The following CASKIN1 variants were observed in gnomAD, a reference collection of about 807,000 sequenced individuals.
The protein encoded by CASKIN1 is caskin-1.
CASKIN1 carries 42 observed loss-of-function variants against 117.5 expected under a neutral mutation model. That is an observed-to-expected ratio of 0.36 (90% confidence interval 0.28 to 0.46). The LOEUF is 0.46. Among genes scored for constraint, CASKIN1 ranks in the 20% least tolerant of loss-of-function variants. The pLI, the probability that CASKIN1 is intolerant of heterozygous loss-of-function variation, is 1.00. For missense variants in CASKIN1, 2,083 were observed against 2,077.3 expected (o/e 1.00, Z -0.05); for synonymous variants, 1,148 against 961.7 (o/e 1.19, Z -3.59).
At position 2,195,329 on chromosome 16, in the gene CASKIN1, G is replaced by A. The variant is rs189878395; in HGVS notation, c.94+1010C>T. On this transcript the variant is annotated intron_variant, in intron 1 of 19. Coordinates refer to ENST00000343516, the MANE Select transcript of CASKIN1 (RefSeq NM_020764.4). ...CCCAGTTCTCGGCATCCCCCTGGAG[G>A]AAGGGGAGGGGGACTCTCTGGCTTA... 7.7e-4 allele frequency among the ~76,000 whole-genome samples: 117 copies of A among 152,306 alleles called. No individual in the cohort carries two copies. In the East Asian group the frequency reaches 0.019, roughly 25 times the overall value.
At chr16:2,186,590 C>A in intron 10 of CASKIN1, 117 bp downstream of exon 10, 1 of 816,242 alleles carries the variant, frequency 1.2e-6, no homozygotes, top group East Asian at 2.5e-5. Context: ...CACTCAACCC[C>A]ACGCTGGCAC....
Position 2,183,872 on chromosome 16 carries a change from C to T in CASKIN1, c.1486G>A (p.Ala496Thr), listed in dbSNP as rs1356257380. The T allele has an allele frequency of 5.0e-6, 8 of 1,612,572 alleles. No homozygotes were observed. The highest frequency in any genetic ancestry group is 4.4e-5 in the South Asian group (4 of 91,058). Reference protein sequence around the residue: ...LQLYAPNFISAGYDLPTISRM... With the variant: ...LQLYAPNFISTGYDLPTISRM... ...CTGATGGTGGGCAGGTCGTAGCCGG[C>T]GCTGATGAAGTTGGGGGCGTAGAGC... Residue 496 changes from alanine (A) to threonine (T), a missense_variant, in exon 15 of 20, where the codon GCC becomes ACC. Around this residue, in one of 3 missense-constraint regions of CASKIN1, gnomAD observed 1,818 missense variants for 1,688.9 expected, o/e 1.08. Coordinates refer to ENST00000343516, the MANE Select transcript of CASKIN1 (RefSeq NM_020764.4).
rs746974326 is a variant in CASKIN1, at chr16:2,178,106, T to C, written c.*444A>G. The C allele has an allele frequency of 5.9e-6, 3 of 506,702 alleles. No homozygotes were observed. The highest frequency in any genetic ancestry group is 1.6e-5 in the South Asian group (1 of 63,194). 31.4% of individuals were successfully genotyped at this position (506,702 alleles called of 1,614,324 possible). ...GAAATCCGCCTCAGCTCATTCCCAATAAATTAATACTCTTGATAGCTTATA... is the reference window on the plus strand; with the variant it reads ...GAAATCCGCCTCAGCTCATTCCCAACAAATTAATACTCTTGATAGCTTATA... On this transcript the variant is annotated 3_prime_UTR_variant, in exon 20 of 20. Transcript: ENST00000343516.
At chr16:2,188,840 C>T in intron 6 of CASKIN1, 187 bp downstream of exon 6, 1 of 795,432 alleles carries the variant, frequency 1.3e-6, no homozygotes, top group Non-Finnish European at 1.9e-6. Context: ...CGCAGAAGCC[C>T]CCTTCCCAGC....
rs180955493 is a variant in CASKIN1 at position 2,184,597 on chromosome 16, G to A, written c.1416+180C>T. Among the ~76,000 whole-genome samples the A allele has an allele frequency of 4.4e-4, 67 of 152,230 alleles. 1 individual carries two copies. The East Asian group carries it at 5.8e-3, about 13-fold the overall frequency. ...CACAGCCTGCACAATGACGACACCCGTACACACAGGCAGACACACACACAA... is the reference window on the plus strand; with the variant it reads ...CACAGCCTGCACAATGACGACACCCATACACACAGGCAGACACACACACAA... On this transcript the variant is annotated intron_variant, in intron 14 of 19. Transcript: ENST00000343516.
At position 2,181,307 on chromosome 16, in the gene CASKIN1, C is replaced by G; in HGVS notation, c.2061G>C (p.Arg687Ser). 1 of 1,603,932 alleles carries G rather than the reference C, an allele frequency of 6.2e-7. No homozygotes were observed. The highest frequency in any genetic ancestry group is 8.5e-7 in the Non-Finnish European group (1 of 1,178,664). Residue 687 changes from arginine (R) to serine (S), a missense_variant, in exon 18 of 20, where the codon AGG becomes AGC. Coordinates refer to ENST00000343516, the MANE Select transcript of CASKIN1 (RefSeq NM_020764.4). ...KPSSHLPPTP[R>S]ATTRQDSSLG... ...GGCTGGAGTCCTGCCGCGTGGTGGC[C>G]CTCGGGGTGGGTGGCAGGTGGCTGG...
At chr16:2,183,981 G>T in intron 14 of CASKIN1, 40 bp from the exon 15 acceptor site, 1 of 1,392,036 alleles carries the variant, frequency 7.2e-7, no homozygotes, top group Non-Finnish European at 9.7e-7. Context: ...TCGCCTGCCC[G>T]GCCGCGCCCT....
At chr16:2,189,649 G>A in intron 3 of CASKIN1, 85 bp from the exon 4 acceptor site, 2 of 1,415,742 alleles carry the variant, frequency 1.4e-6, no homozygotes. Context: ...CCTGACCCCT[G>A]ACCCCAAGTC....
intron 3 of CASKIN1, among the ~76,000 whole-genome samples, chr16:2,189,795 T>G (rs1218416029): frequency 1.4e-5 from 2 of 147,946 alleles, no homozygotes; most frequent in Non-Finnish European, 3.0e-5. Flanking sequence ...TGCTGGGAGC[T>G]GACCCTTGAC....
At chr16:2,190,666 GGCACACACATGT>G (rs2093199095) in intron 1 of CASKIN1, among the ~76,000 whole-genome samples, 1 of 152,182 alleles carries the variant, frequency 6.6e-6, no homozygotes, top group South Asian at 2.1e-4. Context: ...CACCCACACA[GGCACACACATGT>G]GCACGCACAC....
Position 2,180,973 on chromosome 16 carries a change from G to T in CASKIN1, c.2395C>A (p.Pro799Thr). 6.8e-7 allele frequency: 1 copy of T among 1,474,022 alleles called. No homozygotes were observed. Among genetic ancestry groups the T allele is most frequent in the South Asian group, 1.4e-5 (1 of 69,858 alleles). 91.3% of individuals were successfully genotyped at this position (1,474,022 alleles called of 1,614,324 possible). A position where few individuals can be genotyped will look rare whatever the true frequency, so the allele number is the denominator to read the frequency against. Residue 799 changes from proline (P) to threonine (T), a missense_variant, in exon 18 of 20, where the codon CCA becomes ACA. Physicochemically the swap from Pro to Thr is conservative, Grantham distance 38. Coordinates refer to ENST00000343516, the MANE Select transcript of CASKIN1 (RefSeq NM_020764.4). ...QALGGPHGPA[P>T]ATAKVKPTPQ... Reference sequence around the variant, plus strand: ...GTGGGCTTCACCTTGGCCGTAGCTGGGGCTGGACCATGAGGTCCCCCAAGG... The same window carrying T: ...GTGGGCTTCACCTTGGCCGTAGCTGTGGCTGGACCATGAGGTCCCCCAAGG...
In CASKIN1 at chr16:2,187,841, G is replaced by A. The variant is rs537777354; in HGVS notation, c.618-380C>T. ...TCACCATTTTGGCCAAGCTGGACAC[G>A]AACTCCTCCCAAAGTGCTGGGAGTA... On this transcript the variant is annotated intron_variant, in intron 6 of 19. Transcript: ENST00000343516. 8.6e-5 allele frequency among the ~76,000 whole-genome samples: 13 copies of A among 151,970 alleles called. No individual in the cohort carries two copies. The East Asian group carries it at 2.1e-3, about 25-fold the overall frequency.
chr16:2,186,406 G>A (rs546115390), intron 10 of CASKIN1, among the ~76,000 whole-genome samples: 6 of 152,274 alleles, frequency 3.9e-5, no homozygotes, highest in African/African-American at 7.2e-5. Flanking sequence ...TGTTTACTTC[G>A]CTGTCCCCTG....
rs2093214873 is a variant in CASKIN1 at position 2,196,026 on chromosome 16, T to C, written c.94+313A>G. 6.6e-6 allele frequency among the ~76,000 whole-genome samples: 1 copy of C among 151,376 alleles called. No individual in the cohort carries two copies. The highest frequency in any genetic ancestry group is 2.4e-5 in the African/African-American group (1 of 41,126). On this transcript the variant is annotated intron_variant, in intron 1 of 19. Coordinates refer to ENST00000343516, the MANE Select transcript of CASKIN1 (RefSeq NM_020764.4). This position sits in a 1 kb window ranked among gnomAD's most constrained non-coding sequence, Gnocchi z 5.7. ...AGGCCCCAGCAGAGACCTCCAGCTG[T>C]CAGCCCGCAGCCTGGGAAGGGAGGG... is the stretch of plus-strand genomic sequence containing the variant.
chr16:2,180,969 G>C lies in CASKIN1; in HGVS notation c.2399C>G (p.Ala800Gly). 1.4e-6 allele frequency: 2 copies of C among 1,468,420 alleles called. No homozygotes were observed. 91.0% of individuals were successfully genotyped at this position (1,468,420 alleles called of 1,614,324 possible). Residue 800 changes from alanine (A) to glycine (G), a missense_variant, in exon 18 of 20, where the codon GCT (alanine) becomes GGT (glycine). Transcript: ENST00000343516. Reference sequence around the variant, plus strand: ...CGGGGTGGGCTTCACCTTGGCCGTAGCTGGGGCTGGACCATGAGGTCCCCC... The same window carrying C: ...CGGGGTGGGCTTCACCTTGGCCGTACCTGGGGCTGGACCATGAGGTCCCCC... ...ALGGPHGPAP[A>G]TAKVKPTPQL...
chr16:2,179,429 T>A lies in CASKIN1; in HGVS notation c.3776-104A>T. ...CTCCCCAGCGGACCGGGAAAGACCCTGCTCACCTTGCCCCCAGCCCTGGAT... is the reference window on the plus strand; with the variant it reads ...CTCCCCAGCGGACCGGGAAAGACCCAGCTCACCTTGCCCCCAGCCCTGGAT... On this transcript the variant is annotated intron_variant, in intron 18 of 19. Transcript: ENST00000343516. This position sits in a 1 kb window ranked among gnomAD's most constrained non-coding sequence, Gnocchi z 5.8. 1 of 1,351,638 alleles carries A rather than the reference T, an allele frequency of 7.4e-7. No homozygotes were observed. 83.7% of individuals were successfully genotyped at this position (1,351,638 alleles called of 1,614,324 possible). A position where few individuals can be genotyped will look rare whatever the true frequency, so the allele number is the denominator to read the frequency against.
Position 2,178,660 on chromosome 16 carries a change from G to T in CASKIN1, c.4200-14C>A. 6.3e-7 allele frequency: 1 copy of T among 1,582,098 alleles called. No individual in the cohort carries two copies. Among genetic ancestry groups the T allele is most frequent in the Non-Finnish European group, 8.5e-7 (1 of 1,171,612 alleles). On this transcript the variant is annotated splice_polypyrimidine_tract_variant and intron_variant, in intron 19 of 19. Transcript: ENST00000343516. ...GCCGCCGAGTCGCTGCGGGGCGCGG[G>T]GCAAGGGGCGTGAGTGGGCGGGGCG... is the stretch of plus-strand genomic sequence containing the variant.
At chr16:2,190,229 C>G (rs1218854186) in intron 2 of CASKIN1, 59 bp from the exon 3 acceptor site, 1 of 1,597,186 alleles carries the variant, frequency 6.3e-7, no homozygotes, top group Non-Finnish European at 8.5e-7. Context: ...TTCCCGGCAC[C>G]CTGCCCTCCC....
chr16:2,186,218 C>T (rs757302468), intron 10 of CASKIN1, among the ~76,000 whole-genome samples: 33 of 152,214 alleles, frequency 2.2e-4, no homozygotes, highest in Non-Finnish European at 4.9e-4. Flanking sequence ...ATCCTCTAGC[C>T]TCGGCCTCCC....
Sources: gnomAD v4.1 joint callset for allele counts (sites outside exome capture counted in the v4.1 genomes callset) on GRCh38, gnomAD v4.1.1 for gene constraint, gnomAD v4.1.1 regional missense constraint, Gnocchi (gnomAD v3.1) non-coding constraint, MANE v1.5 for transcripts, NCBI Gene and HGNC (gene_info 2026-07-23, HGNC 2026-07-21) for gene names.